The following OR2T6 variants were observed in gnomAD, a reference collection of about 807,000 sequenced individuals.
OR2T6 encodes olfactory receptor family 2 subfamily T member 6, also known as olfactory receptor 2T6.
For synonymous variants in OR2T6, 174 were observed against 148.0 expected (o/e 1.18, Z -1.27); for missense variants, 424 against 391.6 (o/e 1.08, Z -0.70).
chr1:248,377,882 T>C (rs546665439), intron 1 of OR2T6, among the ~76,000 whole-genome samples: 3 of 152,336 alleles, frequency 2.0e-5, no homozygotes, highest in Non-Finnish European at 4.4e-5. Flanking sequence ...GATTATAATT[T>C]ATCTATGCAC....
At chr1:248,383,937 G>A (rs76357182) in intron 1 of OR2T6, among the ~76,000 whole-genome samples, 5 of 49,048 alleles carry the variant, frequency 1.0e-4, no homozygotes, top group African/African-American at 4.2e-4. Context: ...ATTGTCATGG[G>A]TAAAGCACTG....
intron 2 of OR2T6, among the ~76,000 whole-genome samples, chr1:248,386,883 T>G (rs1165574405): frequency 6.6e-6 from 1 of 152,240 alleles, no homozygotes; most frequent in Non-Finnish European, 1.5e-5. Context: ...CCTGGAACCA[T>G]GGTTCCCACT....
At position 248,388,720 on chromosome 1, in the gene OR2T6, A is replaced by T. The variant is rs1661196322; in HGVS notation, c.*185A>T. 2.1e-6 allele frequency: 1 copy of T among 484,196 alleles called. No homozygotes were observed. The highest frequency in any genetic ancestry group is 1.9e-5 in the African/African-American group (1 of 52,390). The allele number at this position is 484,196 out of a possible 1,614,324, so 30.0% of individuals were successfully genotyped here. A position where few individuals can be genotyped will look rare whatever the true frequency, so the allele number is the denominator to read the frequency against. ...AATGGGAAGTTGCTGTAACAGTCAC[A>T]CACAAATAATGCCAGAGTTCTAGAA... On this transcript the variant is annotated 3_prime_UTR_variant, in exon 3 of 3. Transcript: ENST00000641644.
Position 248,388,493 on chromosome 1 carries a change from G to C in OR2T6, c.885G>C (p.Arg295Ser), listed in dbSNP as rs1316438468. ...CTCTCATCTACAGTCTGAGGAACAG[G>C]GATGTGATGGGTGCCTTGAAGAGAG... ...LNPLIYSLRN[R>S]DVMGALKRVV... The change falls in exon 3 of 3, where the codon AGG becomes AGC. Residue 295 changes from arginine (R) to serine (S), a missense_variant. Transcript: ENST00000641644. The C allele has an allele frequency of 6.3e-7, 1 of 1,591,894 alleles. No homozygotes were observed. The highest frequency in any genetic ancestry group is 1.7e-5 in the Admixed American group (1 of 57,188).
At position 248,387,636 on chromosome 1, in the gene OR2T6, A is replaced by G. The variant is rs1661156753; in HGVS notation, c.28A>G (p.Arg10Gly). ...GAATGAAAACAATGAAACCTTGACC[A>G]GAGGCTTTACCCTCATGGGGCTCTT... Reference protein sequence around the residue: MNENNETLTRGFTLMGLFTH... With the variant: MNENNETLTGGFTLMGLFTH... The change falls in exon 3 of 3, where the codon AGA becomes GGA. Residue 10 changes from arginine (R) to glycine (G), a missense_variant. Arg to Gly is a moderately radical substitution (Grantham distance 125). Transcript: ENST00000641644. 6.3e-7 allele frequency: 1 copy of G among 1,595,188 alleles called. No homozygotes were observed. Among genetic ancestry groups the G allele is most frequent in the Non-Finnish European group, 8.6e-7 (1 of 1,165,484 alleles).
rs1661220757 is a variant in OR2T6 at position 248,389,958 on chromosome 1, C to T, written c.*1423C>T. 6.6e-6 allele frequency: 1 copy of T among 152,032 alleles called. No individual in the cohort carries two copies. Among genetic ancestry groups the T allele is most frequent in the Admixed American group, 6.5e-5 (1 of 15,270 alleles). 9.4% of individuals were successfully genotyped at this position (152,032 alleles called of 1,614,324 possible). A position where few individuals can be genotyped will look rare whatever the true frequency, so the allele number is the denominator to read the frequency against. ...TGGCAGAGACTTCAGCAGCAGATGC[C>T]AAGTTTTCATCACCAGTGACTGCAA... On this transcript the variant is annotated 3_prime_UTR_variant, in exon 3 of 3. Coordinates refer to ENST00000641644, the MANE Select transcript of OR2T6 (RefSeq NM_001005471.2).
rs764500053 is a variant in OR2T6 at position 248,388,358 on chromosome 1, G to T, written c.750G>T (p.Leu250Phe). ...CTTCACACATGATGGTGGTGACATT[G>T]TTCTATGGGGCTGCCTTGTATACGT... The part of the protein sequence containing the change: ...TCSSHMMVVT[L>F]FYGAALYTYT... The change falls in exon 3 of 3, where the codon TTG becomes TTT. Residue 250 changes from leucine to phenylalanine, a missense_variant. Coordinates refer to ENST00000641644, the MANE Select transcript of OR2T6 (RefSeq NM_001005471.2). The T allele has an allele frequency of 6.2e-7, 1 of 1,613,442 alleles. No homozygotes were observed.
chr1:248,385,063 C>G (rs755087635), intron 2 of OR2T6, among the ~76,000 whole-genome samples, 199 bp downstream of exon 2: 10 of 152,110 alleles, frequency 6.6e-5, no homozygotes, highest in Admixed American at 2.6e-4. Context: ...TTGCAAAACT[C>G]TACCCTTTTT....
rs2103073332 is a variant in OR2T6, at chr1:248,389,205, G to A, written c.*670G>A. 1 of 152,284 alleles carries A rather than the reference G, an allele frequency of 6.6e-6. No individual in the cohort carries two copies. The highest frequency in any genetic ancestry group is 1.9e-4 in the East Asian group (1 of 5,178). 9.4% of individuals were successfully genotyped at this position (152,284 alleles called of 1,614,324 possible). On this transcript the variant is annotated 3_prime_UTR_variant, in exon 3 of 3. Coordinates refer to ENST00000641644, the MANE Select transcript of OR2T6 (RefSeq NM_001005471.2). Reference sequence around the variant, plus strand: ...TAGTTTTTTAATATGGTAACTAACTGTTACATTGGAAGACACAGCAAAAGG... The same window carrying A: ...TAGTTTTTTAATATGGTAACTAACTATTACATTGGAAGACACAGCAAAAGG...
intron 2 of OR2T6, among the ~76,000 whole-genome samples, chr1:248,385,793 C>A (rs6587465): frequency 0.25 from 38,034 of 152,016 alleles, 5,647 homozygotes; most frequent in East Asian, 0.41. Flanking sequence ...TTGCCTTCGG[C>A]AAGATATTGT....
In OR2T6 at chr1:248,389,226, A is replaced by G. The variant is rs1390669359; in HGVS notation, c.*691A>G. The G allele has an allele frequency of 6.6e-6, 1 of 151,792 alleles. No individual in the cohort carries two copies. Among genetic ancestry groups the G allele is most frequent in the Non-Finnish European group, 1.5e-5 (1 of 68,004 alleles). 9.4% of individuals were successfully genotyped at this position (151,792 alleles called of 1,614,324 possible). A position where few individuals can be genotyped will look rare whatever the true frequency, so the allele number is the denominator to read the frequency against. ...AACTGTTACATTGGAAGACACAGCA[A>G]AAGGTAGTTGAGAAAGAAATGCCCT... On this transcript the variant is annotated 3_prime_UTR_variant, in exon 3 of 3. Coordinates refer to ENST00000641644, the MANE Select transcript of OR2T6 (RefSeq NM_001005471.2).
At position 248,391,189 on chromosome 1, in the gene OR2T6, A is replaced by C. The variant is rs1661244354; in HGVS notation, c.*2654A>C. On this transcript the variant is annotated 3_prime_UTR_variant, in exon 3 of 3. Transcript: ENST00000641644. ...AACTTATGTTCACAGTAGATTTTTC[A>C]TACATTCCAAAACATAGACTTAATC... 6.6e-6 allele frequency: 1 copy of C among 152,230 alleles called. No homozygotes were observed. Among genetic ancestry groups the C allele is most frequent in the South Asian group, 2.1e-4 (1 of 4,830 alleles). 9.4% of individuals were successfully genotyped at this position (152,230 alleles called of 1,614,324 possible). A position where few individuals can be genotyped will look rare whatever the true frequency, so the allele number is the denominator to read the frequency against.
chr1:248,382,819 C>T lies in OR2T6; in HGVS notation c.-158-1892C>T, dbSNP rs920793334. Among the ~76,000 whole-genome samples the T allele has an allele frequency of 5.9e-5, 9 of 152,150 alleles. No homozygotes were observed. The East Asian group carries it at 1.3e-3, about 23-fold the overall frequency. On this transcript the variant is annotated intron_variant, in intron 1 of 2. Transcript: ENST00000641644. ...GATTACAGGGGTGAGCCACCGTGCCCGGCCCATGTCTATCTTTCTTACCAT... is the reference window on the plus strand; with the variant it reads ...GATTACAGGGGTGAGCCACCGTGCCTGGCCCATGTCTATCTTTCTTACCAT...
chr1:248,381,617 G>GTCTA (rs137920335), intron 1 of OR2T6, among the ~76,000 whole-genome samples: 13,436 of 151,986 alleles, frequency 0.088, 1,810 homozygotes, highest in African/African-American at 0.3. Flanking sequence ...AGATAGGTAT[G>GTCTA]TCTGTGTCTA....
In OR2T6 at chr1:248,388,600, T is replaced by C. The variant is rs1051741814; in HGVS notation, c.*65T>C. The stretch of plus-strand genomic sequence containing the variant: ...AAAACCTCCACATCCTGTTCAGGCA[T>C]ATATGGGGTCGTATCATGGATACCA... On this transcript the variant is annotated 3_prime_UTR_variant, in exon 3 of 3. Coordinates refer to ENST00000641644, the MANE Select transcript of OR2T6 (RefSeq NM_001005471.2). 6 of 1,257,574 alleles carry C rather than the reference T, an allele frequency of 4.8e-6. No individual in the cohort carries two copies. The highest frequency in any genetic ancestry group is 6.6e-6 in the Non-Finnish European group (6 of 908,000). 77.9% of individuals were successfully genotyped at this position (1,257,574 alleles called of 1,614,324 possible).
rs201305130 is a variant in OR2T6 at position 248,387,809 on chromosome 1, C to T, written c.201C>T (p.Ser67=). 4.2e-5 allele frequency: 68 copies of T among 1,609,372 alleles called. No homozygotes were observed. The highest frequency in any genetic ancestry group is 3.2e-4 in the South Asian group (29 of 90,876). ...TPMYFLLSHL[S]VIDTLYISTI... Reference sequence around the variant, plus strand: ...TGTACTTCCTCCTCAGCCACCTCTCCGTCATTGACACATTATACATCTCCA... The same window carrying T: ...TGTACTTCCTCCTCAGCCACCTCTCTGTCATTGACACATTATACATCTCCA... Residue 67 remains serine (S), a synonymous_variant, in exon 3 of 3, where the codon TCC becomes TCT. Coordinates refer to ENST00000641644, the MANE Select transcript of OR2T6 (RefSeq NM_001005471.2).
chr1:248,376,289 G>T (rs1208736681), intron 1 of OR2T6, among the ~76,000 whole-genome samples: 1 of 152,208 alleles, frequency 6.6e-6, no homozygotes, highest in Non-Finnish European at 1.5e-5. Context: ...TAGGAATTTT[G>T]GTGGAGGTAT....
intron 2 of OR2T6, among the ~76,000 whole-genome samples, chr1:248,385,413 T>C (rs1661120979): frequency 6.6e-6 from 1 of 152,226 alleles, no homozygotes. Flanking sequence ...GGCCCTGTTG[T>C]TCATGTAATG....
chr1:248,382,185 T>C (rs1661046679), intron 1 of OR2T6, among the ~76,000 whole-genome samples: 1 of 152,236 alleles, frequency 6.6e-6, no homozygotes, highest in South Asian at 2.1e-4. Context: ...AGTTTAGACA[T>C]TTTTTCACTT....
Sources: allele counts gnomAD v4.1 joint callset (sites outside exome capture counted in the v4.1 genomes callset), GRCh38; gene constraint gnomAD v4.1.1; transcripts MANE v1.5; gene names NCBI Gene and HGNC (gene_info 2026-07-23, HGNC 2026-07-21).